Variants in CACHD1 observed in about 807,000 individuals in gnomAD.
CACHD1 encodes the protein VWFA and cache domain-containing protein 1.
In CACHD1, 71 loss-of-function variants were observed where a neutral mutation model predicts 138.7. The observed-to-expected ratio is 0.51, with a 90% CI of 0.42 to 0.62. The LOEUF (loss-of-function observed/expected upper bound fraction) is 0.62. CACHD1 is among the 20% of genes least tolerant of loss of function. The probability of loss-of-function intolerance (pLI) is 0.00; values close to 1 mark genes in which losing one functional copy is unlikely to be tolerated. For missense variants in CACHD1, 1,389 were observed against 1,625.3 expected, an observed-to-expected ratio of 0.85 and a Z score of 2.50; for synonymous variants, 578 against 591.5, an observed-to-expected ratio of 0.98 and a Z score of 0.33.
chr1:64,604,687 A>G (rs1257636030), intron 4 of CACHD1, among the ~76,000 whole-genome samples: 1 of 151,972 alleles, frequency 6.6e-6, no homozygotes, highest in Non-Finnish European at 1.5e-5. Flanking sequence ...GAGTCTTGCT[A>G]TGTTGCCCAG....
At chr1:64,520,461 T>A (rs529837449) in intron 1 of CACHD1, among the ~76,000 whole-genome samples, 1 of 152,316 alleles carries the variant, frequency 6.6e-6, no homozygotes, top group South Asian at 2.1e-4. Context: ...ATGGGCTTCA[T>A]GCTTAGAACA....
chr1:64,561,855 C>T (rs1235713844), intron 2 of CACHD1, among the ~76,000 whole-genome samples: 3 of 56,760 alleles, frequency 5.3e-5, no homozygotes, highest in South Asian at 1.2e-3. Context: ...AAGACACTGT[C>T]TCCAAAAAAA....
intron 1 of CACHD1, among the ~76,000 whole-genome samples, chr1:64,517,486 G>T (rs565543019): frequency 2.2e-4 from 34 of 152,192 alleles, no homozygotes; most frequent in Non-Finnish European, 4.6e-4. Context: ...ATGAAATAAA[G>T]TAGTCACTGG....
At chr1:64,657,972 C>G (rs1287636544) in intron 12 of CACHD1, among the ~76,000 whole-genome samples, 2 of 152,180 alleles carry the variant, frequency 1.3e-5, no homozygotes, top group Non-Finnish European at 2.9e-5. Flanking sequence ...ATTGTCCCCA[C>G]TAAATTTTGT....
At chr1:64,687,377 T>C (rs1018166789) in intron 26 of CACHD1, among the ~76,000 whole-genome samples, 1 of 152,172 alleles carries the variant, frequency 6.6e-6, no homozygotes, top group African/African-American at 2.4e-5. Context: ...CCATTAATGA[T>C]TGAAATAAGA....
chr1:64,656,161 A>G (rs987646888), intron 12 of CACHD1, among the ~76,000 whole-genome samples: 1 of 152,234 alleles, frequency 6.6e-6, no homozygotes, highest in South Asian at 2.1e-4. Flanking sequence ...TCATTATGGC[A>G]ATAGCAATTA....
At chr1:64,553,614 A>G (rs927893448) in intron 2 of CACHD1, among the ~76,000 whole-genome samples, 1 of 152,214 alleles carries the variant, frequency 6.6e-6, no homozygotes, top group Non-Finnish European at 1.5e-5. Flanking sequence ...CATATAAATA[A>G]ATATATTAAA....
chr1:64,633,948 T>G, intron 6 of CACHD1, 96 bp from the exon 7 acceptor site: 1 of 882,958 alleles, frequency 1.1e-6, no homozygotes. Context: ...TCTGTAGGCC[T>G]TCTTACTCCT....
At chr1:64,573,610 C>T (rs1343197260) in intron 2 of CACHD1, among the ~76,000 whole-genome samples, 1 of 152,132 alleles carries the variant, frequency 6.6e-6, no homozygotes, top group Non-Finnish European at 1.5e-5. Flanking sequence ...TTTGTCTACA[C>T]TCAGAGGAAG....
chr1:64,563,093 A>G (rs994726495), intron 2 of CACHD1, among the ~76,000 whole-genome samples: 10 of 152,176 alleles, frequency 6.6e-5, no homozygotes, highest in African/African-American at 2.4e-4. Flanking sequence ...ATCTTTAGAT[A>G]GAGTTTGCCC....
At chr1:64,544,923 T>G (rs17126643) in intron 1 of CACHD1, among the ~76,000 whole-genome samples, 17,574 of 152,144 alleles carry the variant, frequency 0.12, 2,153 homozygotes, top group African/African-American at 0.31. Flanking sequence ...CTAAGCAATA[T>G]TGTATATACT....
chr1:64,606,071 A>G (rs1459585395), intron 4 of CACHD1, among the ~76,000 whole-genome samples: 2 of 149,638 alleles, frequency 1.3e-5, no homozygotes, highest in Non-Finnish European at 3.0e-5. Flanking sequence ...CCTTCTGCAT[A>G]GTAAGTACTC....
chr1:64,492,864 A>C (rs1400997655), intron 1 of CACHD1, among the ~76,000 whole-genome samples: 2 of 152,190 alleles, frequency 1.3e-5, no homozygotes, highest in Admixed American at 1.3e-4. Context: ...CCTTCTCTAG[A>C]AAGATGCCTG....
At chr1:64,624,493 A>C (rs1227297560) in intron 4 of CACHD1, among the ~76,000 whole-genome samples, 1 of 152,166 alleles carries the variant, frequency 6.6e-6, no homozygotes, top group Non-Finnish European at 1.5e-5. Flanking sequence ...TCTGGAGAAC[A>C]GTGCTAATGT....
Position 64,678,219 on chromosome 1 carries a change from C to G in CACHD1, c.3153C>G (p.His1051Gln). ...WCMVDSDGKTHLDKPYCAPQK... is the reference protein window; with the variant it reads ...WCMVDSDGKTQLDKPYCAPQK... ...TGGTGGACAGTGATGGAAAGACTCA[C>G]CTGGACAAACCCTACTGTGCCCCCC... The change falls in exon 23 of 27, where the codon CAC becomes CAG. Residue 1051 changes from histidine to glutamine, a missense_variant. This residue lies in a region of CACHD1 where 250 missense variants were observed against 292.9 expected (regional missense o/e 0.85). Transcript: ENST00000651257. 1.2e-6 allele frequency: 2 copies of G among 1,612,048 alleles called. No homozygotes were observed. Among genetic ancestry groups the G allele is most frequent in the Middle Eastern group, 3.3e-4 (2 of 6,040 alleles).
chr1:64,545,799 A>G (rs931375829), intron 1 of CACHD1, among the ~76,000 whole-genome samples: 3 of 152,218 alleles, frequency 2.0e-5, no homozygotes, highest in Non-Finnish European at 4.4e-5. Flanking sequence ...TCCAAGGTGC[A>G]TGCATTAATG....
chr1:64,480,589 T>C (rs754081521), intron 1 of CACHD1, among the ~76,000 whole-genome samples: 20 of 152,268 alleles, frequency 1.3e-4, no homozygotes, highest in Admixed American at 5.2e-4. Context: ...CTTACTAGAA[T>C]GTTGTTAGAT....
At chr1:64,639,941 A>G (rs1397532671) in intron 7 of CACHD1, among the ~76,000 whole-genome samples, 4 of 152,210 alleles carry the variant, frequency 2.6e-5, no homozygotes, top group South Asian at 2.1e-4. Flanking sequence ...TCAAAGTTCT[A>G]CTGGGGAAAT....
At chr1:64,658,966 A>T in intron 13 of CACHD1, 93 bp downstream of exon 13, 1 of 1,096,780 alleles carries the variant, frequency 9.1e-7, no homozygotes. Flanking sequence ...TCCAAAAAAG[A>T]TACTGAATGC....
Sources: gnomAD v4.1 joint callset for allele counts (sites outside exome capture counted in the v4.1 genomes callset) on GRCh38, gnomAD v4.1.1 for gene constraint, gnomAD v4.1.1 regional missense constraint, MANE v1.5 for transcripts, NCBI Gene and HGNC (gene_info 2026-07-23, HGNC 2026-07-21) for gene names.